Variants in DLG2 observed in about 807,000 individuals in gnomAD.
The protein encoded by DLG2 is disks large homolog 2.
In DLG2, 45 loss-of-function variants were observed where a neutral mutation model predicts 132.5. That is an observed-to-expected ratio of 0.34 (90% CI 0.27 to 0.44). DLG2 has a LOEUF of 0.44. Ranked by LOEUF, DLG2 falls within the 20% of genes least tolerant of loss-of-function variation. The probability of loss-of-function intolerance (pLI) is 1.00; values close to 1 mark genes in which losing one functional copy is unlikely to be tolerated. For synonymous variants in DLG2, 424 were observed against 419.6 expected, an observed-to-expected ratio of 1.01 and a Z score of -0.13; for missense variants, 1,045 against 1,196.9, an observed-to-expected ratio of 0.87 and a Z score of 1.87.
intron 3 of DLG2, among the ~76,000 whole-genome samples, chr11:85,566,143 A>G (rs987773443): frequency 3.3e-5 from 5 of 152,138 alleles, no homozygotes; most frequent in South Asian, 2.1e-4. Context: ...GGTCATTTGT[A>G]TATCTTTTTA....
chr11:85,161,128 G>A (rs543838566), intron 4 of DLG2, among the ~76,000 whole-genome samples: 8 of 152,288 alleles, frequency 5.3e-5, no homozygotes, highest in South Asian at 4.1e-4. Flanking sequence ...GTCAAAAACC[G>A]TGAAGATATT....
intron 6 of DLG2, among the ~76,000 whole-genome samples, chr11:84,998,063 C>T (rs1458620323): frequency 6.6e-6 from 1 of 152,052 alleles, no homozygotes; most frequent in Non-Finnish European, 1.5e-5. Context: ...ATTTCTTTTT[C>T]TTCGCATATG....
chr11:83,815,144 C>G (rs2048482382), intron 17 of DLG2: 1 of 154,362 alleles, frequency 6.5e-6, no homozygotes, highest in Non-Finnish European at 1.5e-5. Flanking sequence ...CACCTTTTTC[C>G]TGGCATGCAC....
intron 7 of DLG2, among the ~76,000 whole-genome samples, chr11:84,319,135 G>A (rs1183644185): frequency 6.6e-6 from 1 of 152,114 alleles, no homozygotes; most frequent in East Asian, 1.9e-4. Flanking sequence ...CCTTCTTAAA[G>A]AAGATCAAGA....
chr11:84,931,227 G>A (rs774787706), intron 6 of DLG2, among the ~76,000 whole-genome samples: 19 of 151,904 alleles, frequency 1.3e-4, no homozygotes, highest in Non-Finnish European at 2.6e-4. Context: ...GTGTCATGGG[G>A]GTTTCTTGTA....
chr11:85,541,694 G>T (rs1175490783), intron 3 of DLG2, among the ~76,000 whole-genome samples: 1 of 151,956 alleles, frequency 6.6e-6, no homozygotes, highest in South Asian at 2.1e-4. Context: ...TACTTCTAAG[G>T]ATTAAAATTT....
intron 15 of DLG2, among the ~76,000 whole-genome samples, chr11:83,879,828 A>C (rs1171019076): frequency 1.3e-5 from 2 of 152,226 alleles, no homozygotes; most frequent in African/African-American, 4.8e-5. Context: ...ATCTGGTAAT[A>C]AAGAGAATGA....
chr11:85,050,064 T>C (rs1390839197), intron 6 of DLG2, among the ~76,000 whole-genome samples: 2 of 150,216 alleles, frequency 1.3e-5, no homozygotes, highest in African/African-American at 4.9e-5. Flanking sequence ...CCACAATGCT[T>C]ACATTCTGAA....
intron 18 of DLG2, among the ~76,000 whole-genome samples, chr11:83,698,894 C>A (rs967419489): frequency 3.9e-5 from 6 of 152,284 alleles, no homozygotes; most frequent in Middle Eastern, 3.4e-3. Context: ...ATTAGAGAGG[C>A]AGAGGGCTGC....
chr11:85,427,892 CGA>C (rs2090886239), intron 3 of DLG2, among the ~76,000 whole-genome samples: 1 of 152,078 alleles, frequency 6.6e-6, no homozygotes, highest in African/African-American at 2.4e-5. Context: ...ATCTCATGTG[CGA>C]AGACACACAT....
intron 5 of DLG2, among the ~76,000 whole-genome samples, chr11:85,120,191 C>A (rs2074132667): frequency 6.6e-6 from 1 of 152,014 alleles, no homozygotes; most frequent in African/African-American, 2.4e-5. Flanking sequence ...TGCATATATG[C>A]CCTGTCTTCC....
intron 4 of DLG2, among the ~76,000 whole-genome samples, chr11:85,282,784 C>A (rs2078313257): frequency 6.6e-6 from 1 of 151,838 alleles, no homozygotes; most frequent in South Asian, 2.1e-4. Flanking sequence ...CACATGCACC[C>A]CTGTATGTTC....
intron 3 of DLG2, among the ~76,000 whole-genome samples, chr11:85,373,455 C>T (rs967727548): frequency 3.3e-5 from 5 of 152,158 alleles, no homozygotes; most frequent in Admixed American, 6.5e-5. Context: ...GATCAGTCTT[C>T]ATCCTTATCC....
intron 11 of DLG2, among the ~76,000 whole-genome samples, chr11:83,998,763 A>AC (rs1428158386): frequency 6.6e-6 from 1 of 152,098 alleles, no homozygotes; most frequent in African/African-American, 2.4e-5. Flanking sequence ...ACAGCAAGCC[A>AC]CCGTTTTAGA....
At chr11:85,028,739 G>A (rs193235089) in intron 6 of DLG2, among the ~76,000 whole-genome samples, 368 of 152,250 alleles carry the variant, frequency 2.4e-3, no homozygotes, top group Non-Finnish European at 3.7e-3. Context: ...TGGGGGCCAG[G>A]GCTGGAGAGG....
chr11:83,599,768 T>A (rs2058223226), intron 19 of DLG2, among the ~76,000 whole-genome samples: 1 of 152,226 alleles, frequency 6.6e-6, no homozygotes, highest in African/African-American at 2.4e-5. Context: ...CTACTAGTTC[T>A]CTCTTTCTCT....
At chr11:85,341,061 G>T (rs1363116694) in intron 3 of DLG2, among the ~76,000 whole-genome samples, 3 of 152,048 alleles carry the variant, frequency 2.0e-5, no homozygotes, top group Non-Finnish European at 4.4e-5. Context: ...GTTAATCATT[G>T]ATTCTCTGAG....
At chr11:85,198,665 A>C (rs1435168149) in intron 4 of DLG2, among the ~76,000 whole-genome samples, 7 of 152,186 alleles carry the variant, frequency 4.6e-5, no homozygotes, top group African/African-American at 1.7e-4. Flanking sequence ...TACCATAATT[A>C]AAAATTATCT....
intron 6 of DLG2, among the ~76,000 whole-genome samples, chr11:84,574,036 C>T (rs2099492472): frequency 6.6e-6 from 1 of 152,158 alleles, no homozygotes. Flanking sequence ...AAAACTTGTT[C>T]AGAATCACAC....
Sources: allele counts gnomAD v4.1 joint callset (sites outside exome capture counted in the v4.1 genomes callset), GRCh38; gene constraint gnomAD v4.1.1; transcripts MANE v1.5; gene names NCBI Gene and HGNC (gene_info 2026-07-23, HGNC 2026-07-21).